The following RIMS2 variants were observed in gnomAD, a reference collection of about 807,000 sequenced individuals.
RIMS2 encodes the protein regulating synaptic membrane exocytosis 2.
RIMS2 carries 59 observed loss-of-function variants against 174.4 expected under a neutral mutation model. That is an observed-to-expected ratio of 0.34 (90% CI 0.27 to 0.42). RIMS2 has a LOEUF of 0.42. Ranked by LOEUF, RIMS2 falls within the 10% of genes least tolerant of loss-of-function variation. The probability of loss-of-function intolerance (pLI) is 1.00; values close to 1 mark genes in which losing one functional copy is unlikely to be tolerated. For synonymous variants in RIMS2, 606 were observed against 572.5 expected (o/e 1.06, Z -0.84); for missense variants, 1,620 against 1,666.3 (o/e 0.97, Z 0.48).
chr8:103,547,089 G>C lies in RIMS2; in HGVS notation c.176+46027G>C, dbSNP rs143728506. On this transcript the variant is annotated intron_variant, in intron 1 of 23. Transcript: ENST00000504942. ...ATTGACCAAGTCGGCAGAATTCTTA[G>C]TTTACAGAGGTAAAAGATGTACTTT... Among the ~76,000 whole-genome samples the C allele has an allele frequency of 2.4e-4, 36 of 152,266 alleles. No individual in the cohort carries two copies. In the East Asian group the frequency reaches 6.8e-3, roughly 29 times the overall value.
intron 3 of RIMS2, among the ~76,000 whole-genome samples, chr8:103,794,480 C>T (rs1400233229): frequency 6.6e-6 from 1 of 152,100 alleles, no homozygotes; most frequent in African/African-American, 2.4e-5. Context: ...CATAGAAATC[C>T]TAGAAGAAAA....
intron 15 of RIMS2, among the ~76,000 whole-genome samples, chr8:103,961,967 C>T (rs1031772377): frequency 1.3e-5 from 2 of 152,110 alleles, no homozygotes; most frequent in African/African-American, 4.8e-5. Context: ...TACAAAAATA[C>T]TCTTCATGTA....
chr8:103,874,464 C>T (rs1204562119), intron 3 of RIMS2, among the ~76,000 whole-genome samples: 5 of 151,970 alleles, frequency 3.3e-5, no homozygotes, highest in Non-Finnish European at 7.4e-5. Context: ...CAGTTGCTTC[C>T]AGAGTACATT....
intron 1 of RIMS2, among the ~76,000 whole-genome samples, chr8:103,639,783 T>A (rs1190063039): frequency 6.6e-6 from 1 of 151,944 alleles, no homozygotes; most frequent in Non-Finnish European, 1.5e-5. Flanking sequence ...AACATAAGTT[T>A]TCATTCTATT....
intron 1 of RIMS2, among the ~76,000 whole-genome samples, chr8:103,679,808 A>G (rs534725904): frequency 6.6e-6 from 1 of 152,046 alleles, no homozygotes; most frequent in Admixed American, 6.6e-5. Flanking sequence ...TAAAAGTTTT[A>G]AACTAGTTTT....
At chr8:103,639,408 T>C (rs2096173785) in intron 1 of RIMS2, among the ~76,000 whole-genome samples, 1 of 151,852 alleles carries the variant, frequency 6.6e-6, no homozygotes, top group East Asian at 1.9e-4. Flanking sequence ...TATAGAATAG[T>C]TTCAACACTC....
chr8:103,615,103 T>G (rs1564023924), intron 1 of RIMS2, among the ~76,000 whole-genome samples: 1 of 152,070 alleles, frequency 6.6e-6, no homozygotes, highest in Non-Finnish European at 1.5e-5. Context: ...AATGTACCCT[T>G]TACTGCTCTA....
At chr8:103,956,196 A>G (rs183306231) in intron 14 of RIMS2, among the ~76,000 whole-genome samples, 1 of 152,352 alleles carries the variant, frequency 6.6e-6, no homozygotes, top group East Asian at 1.9e-4. Context: ...TATACATTTA[A>G]TGCTATCCCA....
intron 19 of RIMS2, among the ~76,000 whole-genome samples, chr8:104,202,618 G>C (rs1180645057): frequency 6.6e-6 from 1 of 152,182 alleles, no homozygotes; most frequent in Admixed American, 6.5e-5. Context: ...GGCTTCAGAT[G>C]GTCACTTTCT....
At chr8:103,811,454 T>C (rs1007423539) in intron 3 of RIMS2, among the ~76,000 whole-genome samples, 38 of 152,252 alleles carry the variant, frequency 2.5e-4, no homozygotes, top group Admixed American at 2.3e-3. Flanking sequence ...AATTAATTAA[T>C]TTATTTTTGA....
chr8:103,791,781 A>G (rs1338418073), intron 3 of RIMS2, among the ~76,000 whole-genome samples: 1 of 152,220 alleles, frequency 6.6e-6, no homozygotes, highest in Non-Finnish European at 1.5e-5. Flanking sequence ...CTAGTCTCTT[A>G]TGAAACAGAC....
intron 19 of RIMS2, among the ~76,000 whole-genome samples, chr8:104,147,784 T>A (rs909863370): frequency 2.0e-5 from 3 of 152,222 alleles, no homozygotes; most frequent in Non-Finnish European, 4.4e-5. Context: ...CGCTTTCTAA[T>A]CTACCTCTAC....
chr8:104,010,574 G>A (rs572411758), intron 17 of RIMS2, among the ~76,000 whole-genome samples: 15 of 152,148 alleles, frequency 9.9e-5, no homozygotes, highest in African/African-American at 2.4e-4. Flanking sequence ...CTTTGTGAAC[G>A]CATGCAGTTT....
chr8:104,238,681 C>A (rs2099271732), intron 19 of RIMS2, among the ~76,000 whole-genome samples: 1 of 152,148 alleles, frequency 6.6e-6, no homozygotes, highest in South Asian at 2.1e-4. Context: ...CCTCAACTTT[C>A]TCATTGCTGC....
At chr8:104,110,638 A>G (rs2098164531) in intron 19 of RIMS2, among the ~76,000 whole-genome samples, 1 of 152,198 alleles carries the variant, frequency 6.6e-6, no homozygotes, top group African/African-American at 2.4e-5. Flanking sequence ...ATCAGTCAAC[A>G]AGATAAGAAT....
intron 3 of RIMS2, among the ~76,000 whole-genome samples, chr8:103,882,895 T>C (rs1360530123): frequency 6.6e-6 from 1 of 151,680 alleles, no homozygotes; most frequent in Non-Finnish European, 1.5e-5. Context: ...CAAAAATTCA[T>C]GTTAATTCCT....
intron 3 of RIMS2, chr8:103,819,526 C>T (rs765674613): frequency 1.1e-5 from 18 of 1,612,744 alleles, no homozygotes; most frequent in East Asian, 6.7e-5. Context: ...TGAGACATTG[C>T]GCCAGGTCTG....
chr8:104,210,443 G>A (rs1355557183), intron 19 of RIMS2, among the ~76,000 whole-genome samples: 1 of 152,142 alleles, frequency 6.6e-6, no homozygotes, highest in Admixed American at 6.5e-5. Flanking sequence ...AATTTCACTG[G>A]CTGTTTGTTT....
At chr8:103,708,381 C>T (rs1397972984) in intron 2 of RIMS2, among the ~76,000 whole-genome samples, 1 of 152,160 alleles carries the variant, frequency 6.6e-6, no homozygotes, top group Non-Finnish European at 1.5e-5. Flanking sequence ...TCTGGCTGTG[C>T]TCTCTAGGGT....
Sources: gnomAD v4.1 joint callset for allele counts (sites outside exome capture counted in the v4.1 genomes callset) on GRCh38, gnomAD v4.1.1 for gene constraint, MANE v1.5 for transcripts, NCBI Gene and HGNC (gene_info 2026-07-23, HGNC 2026-07-21) for gene names.